Variants in IQCJ observed in about 807,000 individuals in gnomAD.
IQCJ encodes the protein IQ motif containing J, also known as IQ domain-containing protein J.
A neutral mutation model predicts 11.0 loss-of-function variants in IQCJ; 9 were observed. The ratio of observed to expected loss-of-function variants is 0.82; its 90% CI spans 0.49 to 1.43. The LOEUF is 1.43. Among genes scored for constraint, IQCJ ranks in the 40% most tolerant of loss-of-function variants. IQCJ has a pLI of 0.00. For synonymous variants in IQCJ, 55 were observed against 51.3 expected (o/e 1.07, Z -0.31); for missense variants, 146 against 133.2 (o/e 1.10, Z -0.47).
chr3:159,135,067 C>T (rs1013582948), intron 1 of IQCJ, among the ~76,000 whole-genome samples: 5 of 152,174 alleles, frequency 3.3e-5, no homozygotes, highest in Admixed American at 1.3e-4. Flanking sequence ...AGGCCATCCT[C>T]TATAAATTAT....
At chr3:159,105,246 G>A (rs560973565) in intron 1 of IQCJ, among the ~76,000 whole-genome samples, 2 of 152,266 alleles carry the variant, frequency 1.3e-5, no homozygotes, top group South Asian at 4.1e-4. Context: ...ACTCTGTATG[G>A]TCATATTTTA....
chr3:159,153,779 C>G (rs1041225564), intron 1 of IQCJ, among the ~76,000 whole-genome samples: 1 of 152,176 alleles, frequency 6.6e-6, no homozygotes, highest in African/African-American at 2.4e-5. Context: ...TCAGATGCCC[C>G]TGTAACTAAT....
At chr3:159,163,258 C>G (rs912268170) in intron 1 of IQCJ, among the ~76,000 whole-genome samples, 5 of 152,166 alleles carry the variant, frequency 3.3e-5, no homozygotes, top group African/African-American at 4.8e-5. Context: ...GGGATGCAAG[C>G]CTGGTTCAAT....
intron 1 of IQCJ, among the ~76,000 whole-genome samples, chr3:159,223,058 T>C (rs1725642535): frequency 1.3e-5 from 2 of 152,124 alleles, no homozygotes; most frequent in South Asian, 2.1e-4. Context: ...GGAAAAAACA[T>C]GTTTGCCAAA....
chr3:159,137,059 C>A (rs534766525), intron 1 of IQCJ, among the ~76,000 whole-genome samples: 2 of 152,000 alleles, frequency 1.3e-5, no homozygotes, highest in Non-Finnish European at 2.9e-5. Flanking sequence ...GTCAGGAGTT[C>A]GAGATAAGCC....
Position 159,263,432 on chromosome 3 carries a change from G to T in IQCJ, c.*701G>T, listed in dbSNP as rs1728330451. The T allele has an allele frequency of 1.0e-6, 1 of 983,822 alleles. No individual in the cohort carries two copies. Among genetic ancestry groups the T allele is most frequent in the Non-Finnish European group, 1.2e-6 (1 of 828,516 alleles). 60.9% of individuals were successfully genotyped at this position (983,822 alleles called of 1,614,324 possible). On this transcript the variant is annotated 3_prime_UTR_variant, in exon 4 of 4. Transcript: ENST00000397832. The stretch of plus-strand genomic sequence containing the variant: ...AGAGAGTTAAGGAATAAGGGAATCT[G>T]CTGGAAGTCTTTATTTTTAAAAAAC...
intron 1 of IQCJ, among the ~76,000 whole-genome samples, chr3:159,212,117 A>G (rs1724988233): frequency 6.6e-6 from 1 of 151,764 alleles, no homozygotes; most frequent in Non-Finnish European, 1.5e-5. Context: ...GGAAGCCACC[A>G]TAACTGTGCT....
In IQCJ at chr3:159,190,139, C is replaced by T. The variant is rs552648630; in HGVS notation, c.10-55704C>T. Among the ~76,000 whole-genome samples the T allele has an allele frequency of 6.6e-5, 10 of 152,254 alleles. No homozygotes were observed. The South Asian group carries it at 2.1e-3, about 32-fold the overall frequency. On this transcript the variant is annotated intron_variant, in intron 1 of 3. Coordinates refer to ENST00000397832, the MANE Select transcript of IQCJ (RefSeq NM_001042706.3). The stretch of plus-strand genomic sequence containing the variant: ...CGTGGCTGGCCCTAAGTACCAGTTC[C>T]CTGTGTGTGACCAGAGGATTAGCAC...
intron 1 of IQCJ, among the ~76,000 whole-genome samples, chr3:159,162,727 A>G (rs1033048535): frequency 2.1e-3 from 323 of 152,362 alleles, no homozygotes; most frequent in Non-Finnish European, 4.3e-3. Flanking sequence ...GCAATAAAAA[A>G]TGATAAAGGG....
At chr3:159,245,169 G>A (rs1727179098) in intron 1 of IQCJ, among the ~76,000 whole-genome samples, 1 of 152,096 alleles carries the variant, frequency 6.6e-6, no homozygotes, top group Admixed American at 6.5e-5. Flanking sequence ...GTTGCCACGA[G>A]TTACTAAGAG....
intron 1 of IQCJ, among the ~76,000 whole-genome samples, chr3:159,234,607 C>G (rs73877568): frequency 2.0e-5 from 3 of 152,090 alleles, no homozygotes; most frequent in Non-Finnish European, 4.4e-5. Context: ...AGATAGAGAC[C>G]AGCCTGTATA....
Position 159,076,373 on chromosome 3 carries a change from A to T in IQCJ, c.9+6932A>T, listed in dbSNP as rs543818336. 5.8e-4 allele frequency among the ~76,000 whole-genome samples: 88 copies of T among 152,232 alleles called. 2 individuals carry two copies. The highest frequency in any genetic ancestry group is 5.0e-3 in the Admixed American group (77 of 15,280). On this transcript the variant is annotated intron_variant, in intron 1 of 3. Coordinates refer to ENST00000397832, the MANE Select transcript of IQCJ (RefSeq NM_001042706.3). Reference sequence around the variant, plus strand: ...TGTATATGTAATTAAATATACATGAATATTCCAACTATATAGCAGTCTGAT... The same window carrying T: ...TGTATATGTAATTAAATATACATGATTATTCCAACTATATAGCAGTCTGAT...
intron 1 of IQCJ, among the ~76,000 whole-genome samples, chr3:159,121,235 G>T (rs1719362687): frequency 6.6e-6 from 1 of 151,422 alleles, no homozygotes; most frequent in Non-Finnish European, 1.5e-5. Context: ...CTGGGCTCAA[G>T]CGATCTTCTC....
chr3:159,113,369 G>A (rs772839703), intron 1 of IQCJ, among the ~76,000 whole-genome samples: 24 of 152,320 alleles, frequency 1.6e-4, no homozygotes, highest in Admixed American at 4.6e-4. Context: ...AGGCCTGGCC[G>A]TTTTTCTTTT....
At chr3:159,192,650 C>T (rs1723758396) in intron 1 of IQCJ, among the ~76,000 whole-genome samples, 2 of 152,154 alleles carry the variant, frequency 1.3e-5, no homozygotes, top group Admixed American at 6.5e-5. Flanking sequence ...GGCAAGGAGG[C>T]CCTCTTCAGC....
chr3:159,173,969 C>T (rs1444469131), intron 1 of IQCJ, among the ~76,000 whole-genome samples: 3 of 151,898 alleles, frequency 2.0e-5, no homozygotes, highest in Non-Finnish European at 2.9e-5. Flanking sequence ...TATCTTAATT[C>T]TTTCATAATT....
chr3:159,217,940 G>C (rs1158517616), intron 1 of IQCJ, among the ~76,000 whole-genome samples: 1 of 152,020 alleles, frequency 6.6e-6, no homozygotes, highest in Non-Finnish European at 1.5e-5. Context: ...TAGAAAGAAA[G>C]CTCCTTGAGG....
chr3:159,151,879 C>T (rs1721248626), intron 1 of IQCJ, among the ~76,000 whole-genome samples: 2 of 152,220 alleles, frequency 1.3e-5, no homozygotes, highest in South Asian at 4.1e-4. Context: ...CGTGATCCGC[C>T]CACCTTGGCC....
chr3:159,213,222 G>A (rs528713578), intron 1 of IQCJ, among the ~76,000 whole-genome samples: 2 of 152,284 alleles, frequency 1.3e-5, no homozygotes, highest in South Asian at 4.1e-4. Context: ...TACACTAGTT[G>A]ACAGTCAATA....
Sources: gnomAD v4.1 joint callset for allele counts (sites outside exome capture counted in the v4.1 genomes callset) on GRCh38, gnomAD v4.1.1 for gene constraint, MANE v1.5 for transcripts, NCBI Gene and HGNC (gene_info 2026-07-23, HGNC 2026-07-21) for gene names.